FBXL7: variants seen among roughly 807,000 people sequenced by gnomAD.
FBXL7 encodes F-box/LRR-repeat protein 7.
In FBXL7, 12 loss-of-function variants were observed where a neutral mutation model predicts 38.3. The observed-to-expected ratio is 0.31, with a 90% CI of 0.20 to 0.51. The LOEUF is 0.51. FBXL7 is among the 20% of genes least tolerant of loss of function. FBXL7 has a pLI of 0.98. For synonymous variants in FBXL7, 297 were observed against 300.9 expected (o/e 0.99, Z 0.13); for missense variants, 567 against 676.4 (o/e 0.84, Z 1.79).
chr5:15,650,312 A>T lies in FBXL7; in HGVS notation c.127+34240A>T, dbSNP rs145846764. 1.8e-4 allele frequency among the ~76,000 whole-genome samples: 27 copies of T among 152,378 alleles called. No homozygotes were observed. The East Asian group carries it at 5.2e-3, about 29-fold the overall frequency. ...AGTCTATTCAGTAGACAGCAGCATT[A>T]TGTCTAAAAACAATGTATAGACCTT... On this transcript the variant is annotated intron_variant, in intron 2 of 3. Coordinates refer to ENST00000504595, the MANE Select transcript of FBXL7 (RefSeq NM_012304.5).
chr5:15,743,534 C>G (rs1172110313), intron 2 of FBXL7, among the ~76,000 whole-genome samples: 1 of 152,226 alleles, frequency 6.6e-6, no homozygotes, highest in Non-Finnish European at 1.5e-5. Context: ...GGGTACAGCA[C>G]CCCCTCCCAG....
At chr5:15,571,322 A>G (rs1409396625) in intron 1 of FBXL7, among the ~76,000 whole-genome samples, 1 of 152,100 alleles carries the variant, frequency 6.6e-6, no homozygotes, top group Non-Finnish European at 1.5e-5. Context: ...CTTTAAAATT[A>G]TACTAGCAAC....
intron 2 of FBXL7, among the ~76,000 whole-genome samples, chr5:15,864,528 G>A (rs1739622222): frequency 6.6e-6 from 1 of 152,140 alleles, no homozygotes; most frequent in Non-Finnish European, 1.5e-5. Flanking sequence ...CCCTATCACT[G>A]ATGGTCTATT....
At chr5:15,521,886 TA>T (rs1238979188) in intron 1 of FBXL7, among the ~76,000 whole-genome samples, 1 of 152,260 alleles carries the variant, frequency 6.6e-6, no homozygotes, top group African/African-American at 2.4e-5. Flanking sequence ...CTTAAACAAC[TA>T]TACATTTCTT....
intron 2 of FBXL7, among the ~76,000 whole-genome samples, chr5:15,662,422 G>A (rs895896723): frequency 1.3e-5 from 2 of 152,144 alleles, no homozygotes; most frequent in African/African-American, 4.8e-5. Flanking sequence ...CAGATGCATA[G>A]TTTTCAAATA....
chr5:15,574,041 A>C (rs925785075), intron 1 of FBXL7, among the ~76,000 whole-genome samples: 1 of 152,170 alleles, frequency 6.6e-6, no homozygotes, highest in African/African-American at 2.4e-5. Flanking sequence ...AAGACTTCTG[A>C]GTGGAATTCA....
At chr5:15,825,432 T>C (rs952199637) in intron 2 of FBXL7, among the ~76,000 whole-genome samples, 1 of 152,156 alleles carries the variant, frequency 6.6e-6, no homozygotes, top group Non-Finnish European at 1.5e-5. Flanking sequence ...TAAAACACCA[T>C]ATACATTGTT....
intron 1 of FBXL7, among the ~76,000 whole-genome samples, chr5:15,579,374 G>C (rs1739067606): frequency 6.6e-6 from 1 of 152,186 alleles, no homozygotes; most frequent in African/African-American, 2.4e-5. Context: ...GCCAGATGCT[G>C]CTTCTCCCAC....
chr5:15,740,927 A>C (rs549443188), intron 2 of FBXL7, among the ~76,000 whole-genome samples: 1 of 152,200 alleles, frequency 6.6e-6, no homozygotes, highest in African/African-American at 2.4e-5. Flanking sequence ...ACAATTTTAC[A>C]TATTTATATG....
chr5:15,775,402 C>CAA (rs34850720), intron 2 of FBXL7, among the ~76,000 whole-genome samples: 4 of 152,042 alleles, frequency 2.6e-5, no homozygotes, highest in African/African-American at 9.7e-5. Context: ...CACACACACA[C>CAA]AAATACCATC....
chr5:15,858,674 C>T (rs570835926), intron 2 of FBXL7, among the ~76,000 whole-genome samples: 5 of 152,272 alleles, frequency 3.3e-5, no homozygotes, highest in African/African-American at 9.6e-5. Context: ...CAAGCTACCT[C>T]GGCCAAATGT....
At position 15,928,590 on chromosome 5, in the gene FBXL7, T is replaced by A. The variant is rs1741958244; in HGVS notation, c.739+89T>A. The A allele has an allele frequency of 6.7e-7, 1 of 1,492,206 alleles. No homozygotes were observed. The highest frequency in any genetic ancestry group is 1.4e-5 in the African/African-American group (1 of 71,884). The allele number at this position is 1,492,206 out of a possible 1,614,324, so 92.4% of individuals were successfully genotyped here. A position where few individuals can be genotyped will look rare whatever the true frequency, so the allele number is the denominator to read the frequency against. ...CAGTGCCACCACCGGAGGGTCCTCT[T>A]CTTGCAAGCCATCAGAGATGGGGGC... On this transcript the variant is annotated intron_variant, in intron 3 of 3. Coordinates refer to ENST00000504595, the MANE Select transcript of FBXL7 (RefSeq NM_012304.5). The surrounding 1 kb of genome is among the most constrained non-coding windows in gnomAD (Gnocchi z 4.0).
At chr5:15,578,770 T>C (rs185899413) in intron 1 of FBXL7, among the ~76,000 whole-genome samples, 1 of 152,358 alleles carries the variant, frequency 6.6e-6, no homozygotes, top group East Asian at 1.9e-4. Context: ...AATAAAAATG[T>C]TAAACTTCTC....
At chr5:15,636,362 C>A (rs968585885) in intron 2 of FBXL7, among the ~76,000 whole-genome samples, 1 of 152,092 alleles carries the variant, frequency 6.6e-6, no homozygotes, top group Non-Finnish European at 1.5e-5. Context: ...TAATATATGG[C>A]TGCTAAAGAC....
chr5:15,743,810 T>C (rs1487591052), intron 2 of FBXL7, among the ~76,000 whole-genome samples: 1 of 152,260 alleles, frequency 6.6e-6, no homozygotes, highest in East Asian at 1.9e-4. Flanking sequence ...CTTTGAAATC[T>C]AGGCAGAAGT....
intron 2 of FBXL7, among the ~76,000 whole-genome samples, chr5:15,684,224 C>T (rs1037866384): frequency 3.9e-5 from 6 of 152,132 alleles, no homozygotes; most frequent in South Asian, 2.1e-4. Flanking sequence ...AACAAGCCTA[C>T]GCACCTGCTC....
intron 2 of FBXL7, among the ~76,000 whole-genome samples, chr5:15,656,306 A>G (rs1741881004): frequency 6.6e-6 from 1 of 152,188 alleles, no homozygotes; most frequent in African/African-American, 2.4e-5. Context: ...GTATTAGTTC[A>G]TTTTCATGCT....
chr5:15,898,720 G>A (rs771118393), intron 2 of FBXL7, among the ~76,000 whole-genome samples: 4 of 152,152 alleles, frequency 2.6e-5, no homozygotes, highest in East Asian at 1.9e-4. Context: ...ATGTATTCTC[G>A]GCTCAGCTAA....
chr5:15,511,914 C>T (rs191472395), intron 1 of FBXL7, among the ~76,000 whole-genome samples: 3 of 152,224 alleles, frequency 2.0e-5, no homozygotes, highest in South Asian at 2.1e-4. Flanking sequence ...TATGAGAATG[C>T]GGAGTGAATT....
Sources: gnomAD v4.1 joint callset for allele counts (sites outside exome capture counted in the v4.1 genomes callset) on GRCh38, gnomAD v4.1.1 for gene constraint, Gnocchi (gnomAD v3.1) non-coding constraint, MANE v1.5 for transcripts, NCBI Gene and HGNC (gene_info 2026-07-23, HGNC 2026-07-21) for gene names.